PCDH9: variants seen among roughly 807,000 people sequenced by gnomAD.
The protein encoded by PCDH9 is protocadherin 9, also known as protocadherin-9.
Under a neutral mutation model 70.6 loss-of-function variants are expected in PCDH9, and 24 were observed. The ratio of observed to expected loss-of-function variants is 0.34; its 90% CI spans 0.25 to 0.48. The LOEUF is 0.48. Ranked by LOEUF, PCDH9 falls within the 20% of genes least tolerant of loss-of-function variation. The pLI, the probability that PCDH9 is intolerant of heterozygous loss-of-function variation, is 0.99. For synonymous variants in PCDH9, 562 were observed against 558.5 expected (o/e 1.01, Z -0.09); for missense variants, 1,281 against 1,503.6 (o/e 0.85, Z 2.45).
At chr13:66,563,494 C>G (rs1453309793) in intron 4 of PCDH9, among the ~76,000 whole-genome samples, 1 of 152,210 alleles carries the variant, frequency 6.6e-6, no homozygotes, top group Non-Finnish European at 1.5e-5. Context: ...ATGTCTTTTC[C>G]CTGCTTTAAA....
Position 66,400,745 on chromosome 13 carries a change from T to A in PCDH9, c.3341-95717A>T, listed in dbSNP as rs997917546. The stretch of plus-strand genomic sequence containing the variant: ...GAAAATTTGAGTGGAAAATGCACAG[T>A]TTTTTTTAACAATGATTATACAGCA... On this transcript the variant is annotated intron_variant, in intron 4 of 4. Coordinates refer to ENST00000377865, the MANE Select transcript of PCDH9 (RefSeq NM_203487.3). 2.0e-5 allele frequency among the ~76,000 whole-genome samples: 3 copies of A among 151,988 alleles called. No homozygotes were observed. In the South Asian group the frequency reaches 6.2e-4, roughly 32 times the overall value.
intron 3 of PCDH9, among the ~76,000 whole-genome samples, chr13:66,718,005 TG>T (rs1312168614): frequency 1.3e-5 from 2 of 152,202 alleles, no homozygotes; most frequent in African/African-American, 4.8e-5. Flanking sequence ...AACTACAGAT[TG>T]TTTTTCATAT....
chr13:66,825,605 G>T (rs1372899349), intron 3 of PCDH9, among the ~76,000 whole-genome samples: 1 of 151,916 alleles, frequency 6.6e-6, no homozygotes, highest in African/African-American at 2.4e-5. Context: ...AAAGTGCTGG[G>T]ATTACAGGCG....
chr13:66,738,158 C>T (rs986253860), intron 3 of PCDH9, among the ~76,000 whole-genome samples: 17 of 152,266 alleles, frequency 1.1e-4, no homozygotes, highest in African/African-American at 2.6e-4. Flanking sequence ...AACGGGCAGA[C>T]GGCCTCCTCA....
chr13:67,111,583 T>G (rs1386452282), intron 2 of PCDH9, among the ~76,000 whole-genome samples: 3 of 152,350 alleles, frequency 2.0e-5, no homozygotes, highest in African/African-American at 7.2e-5. Context: ...TCAAATTCAC[T>G]GTTACATTAC....
chr13:67,100,385 G>T (rs948258940), intron 2 of PCDH9, among the ~76,000 whole-genome samples: 8 of 152,114 alleles, frequency 5.3e-5, no homozygotes, highest in African/African-American at 1.9e-4. Flanking sequence ...ACTACTTGGA[G>T]AACACGAAAT....
At chr13:66,622,438 T>G (rs2077436303) in intron 4 of PCDH9, among the ~76,000 whole-genome samples, 1 of 152,174 alleles carries the variant, frequency 6.6e-6, no homozygotes, top group African/African-American at 2.4e-5. Context: ...GTGGAGAACC[T>G]TTGTGTCTAG....
intron 4 of PCDH9, among the ~76,000 whole-genome samples, chr13:66,549,489 A>T (rs1961377470): frequency 6.6e-6 from 1 of 152,034 alleles, no homozygotes; most frequent in South Asian, 2.1e-4. Flanking sequence ...ACCGTATCAC[A>T]TTCCATACCT....
intron 4 of PCDH9, among the ~76,000 whole-genome samples, chr13:66,312,985 C>T (rs1433997962): frequency 1.3e-5 from 2 of 152,178 alleles, no homozygotes; most frequent in East Asian, 3.9e-4. Flanking sequence ...GCTATTTGAA[C>T]AGACTTTATG....
chr13:66,470,633 C>T lies in PCDH9; in HGVS notation c.3340+160577G>A, dbSNP rs138554419. Among the ~76,000 whole-genome samples the T allele has an allele frequency of 1.1e-4, 16 of 151,234 alleles. No individual in the cohort carries two copies. The East Asian group carries it at 3.1e-3, about 30-fold the overall frequency. On this transcript the variant is annotated intron_variant, in intron 4 of 4. Coordinates refer to ENST00000377865, the MANE Select transcript of PCDH9 (RefSeq NM_203487.3). Reference sequence around the variant, plus strand: ...TGTCTATGATGAGGTACAAAAAAACCCTAAAAATGTGAAATGTTATAAATA... The same window carrying T: ...TGTCTATGATGAGGTACAAAAAAACTCTAAAAATGTGAAATGTTATAAATA...
At chr13:66,675,713 C>A (rs1212405981) in intron 3 of PCDH9, among the ~76,000 whole-genome samples, 7 of 152,098 alleles carry the variant, frequency 4.6e-5, no homozygotes. Flanking sequence ...TACAGAATCA[C>A]TAATAGGCAC....
chr13:66,435,411 A>T (rs938302128), intron 4 of PCDH9, among the ~76,000 whole-genome samples: 1 of 152,168 alleles, frequency 6.6e-6, no homozygotes, highest in Non-Finnish European at 1.5e-5. Flanking sequence ...GGGTTTTATC[A>T]AAGCTAGTAA....
chr13:66,346,190 A>G (rs1156716084), intron 4 of PCDH9, among the ~76,000 whole-genome samples: 2 of 152,224 alleles, frequency 1.3e-5, no homozygotes, highest in Middle Eastern at 3.4e-3. Context: ...ATTAATATGG[A>G]GTATTTTCCT....
chr13:67,172,589 T>C (rs2088320242), intron 2 of PCDH9, among the ~76,000 whole-genome samples: 1 of 151,938 alleles, frequency 6.6e-6, no homozygotes, highest in African/African-American at 2.4e-5. Context: ...CAAGAATGGA[T>C]GGTTTTGGCC....
intron 4 of PCDH9, among the ~76,000 whole-genome samples, chr13:66,546,694 G>A (rs1417457328): frequency 6.6e-6 from 1 of 152,094 alleles, no homozygotes. Context: ...AATGTCCTGG[G>A]CTTTCCCGCT....
chr13:66,837,584 TAA>T (rs2081043209), intron 3 of PCDH9, among the ~76,000 whole-genome samples: 1 of 152,104 alleles, frequency 6.6e-6, no homozygotes, highest in East Asian at 1.9e-4. Context: ...TTCTCTAAAT[TAA>T]GTAACGAGGA....
intron 4 of PCDH9, among the ~76,000 whole-genome samples, chr13:66,492,575 G>C (rs1594062157): frequency 6.6e-6 from 1 of 151,366 alleles, no homozygotes; most frequent in East Asian, 1.9e-4. Context: ...TTTGCAAGTG[G>C]CATTAGAGAA....
At chr13:66,768,149 A>AT (rs1325909409) in intron 3 of PCDH9, among the ~76,000 whole-genome samples, 2 of 152,086 alleles carry the variant, frequency 1.3e-5, no homozygotes, top group African/African-American at 2.4e-5. Context: ...GTTTTTGTAT[A>AT]TTTATGACTT....
intron 4 of PCDH9, among the ~76,000 whole-genome samples, chr13:66,542,918 GTCA>G (rs1200517834): frequency 4.0e-5 from 6 of 150,768 alleles, no homozygotes; most frequent in Non-Finnish European, 8.9e-5. Context: ...GAGCCACATA[GTCA>G]TCATAATAAA....
Sources: gnomAD v4.1 joint callset for allele counts (sites outside exome capture counted in the v4.1 genomes callset) on GRCh38, gnomAD v4.1.1 for gene constraint, MANE v1.5 for transcripts, NCBI Gene and HGNC (gene_info 2026-07-23, HGNC 2026-07-21) for gene names.